CDH4: variants seen among roughly 807,000 people sequenced by gnomAD.
The protein encoded by CDH4 is cadherin-4.
CDH4 carries 33 observed loss-of-function variants against 86.0 expected under a neutral mutation model. That is an observed-to-expected ratio of 0.38 (90% CI 0.29 to 0.51). The LOEUF is 0.51. Among genes scored for constraint, CDH4 ranks in the 20% least tolerant of loss-of-function variants. The probability of loss-of-function intolerance (pLI) is 0.86; values close to 1 mark genes in which losing one functional copy is unlikely to be tolerated. For synonymous variants in CDH4, 555 were observed against 549.4 expected (o/e 1.01, Z -0.14); for missense variants, 1,114 against 1,307.4 (o/e 0.85, Z 2.28).
intron 2 of CDH4, among the ~76,000 whole-genome samples, chr20:61,655,254 G>A (rs1451243623): frequency 5.3e-5 from 8 of 152,212 alleles, no homozygotes; most frequent in Non-Finnish European, 1.2e-4. Context: ...TCAGGGTTGG[G>A]ATTGTGAGTG....
At chr20:61,565,302 TG>T in intron 2 of CDH4, among the ~76,000 whole-genome samples, 1 of 67,200 alleles carries the variant, frequency 1.5e-5, no homozygotes, top group African/African-American at 6.8e-5. Flanking sequence ...GTGGTGGCGG[TG>T]CTCTTGGTGG....
At chr20:61,869,835 G>T (rs1361079001) in intron 6 of CDH4, among the ~76,000 whole-genome samples, 6 of 152,210 alleles carry the variant, frequency 3.9e-5, no homozygotes, top group African/African-American at 1.2e-4. Flanking sequence ...GGGGACCGAG[G>T]AGTCCTTCAG....
chr20:61,368,808 C>T lies in CDH4; in HGVS notation c.169+113871C>T, dbSNP rs185457925. 4.4e-3 allele frequency among the ~76,000 whole-genome samples: 675 copies of T among 152,288 alleles called. 5 individuals are homozygous for T. Among genetic ancestry groups the T allele is most frequent in the African/African-American group, 0.015 (605 of 41,576 alleles). ...CTGGGATTACAGGCGTGAGCCACTGCAGCCGGCTAGGATGGTATTTTGTTG... is the reference window on the plus strand; with the variant it reads ...CTGGGATTACAGGCGTGAGCCACTGTAGCCGGCTAGGATGGTATTTTGTTG... On this transcript the variant is annotated intron_variant, in intron 2 of 15. Coordinates refer to ENST00000614565, the MANE Select transcript of CDH4 (RefSeq NM_001794.5).
chr20:61,616,868 G>T (rs1005169168), intron 2 of CDH4, among the ~76,000 whole-genome samples: 1 of 152,148 alleles, frequency 6.6e-6, no homozygotes, highest in Non-Finnish European at 1.5e-5. Flanking sequence ...ACCTGGTCAG[G>T]GTCCCCGCTG....
At chr20:61,739,662 G>A (rs2088309446) in intron 2 of CDH4, among the ~76,000 whole-genome samples, 1 of 152,232 alleles carries the variant, frequency 6.6e-6, no homozygotes, top group Non-Finnish European at 1.5e-5. Flanking sequence ...CCAGATTCCT[G>A]CCTAGAGGAG....
At chr20:61,658,333 G>A (rs541445421) in intron 2 of CDH4, among the ~76,000 whole-genome samples, 2 of 151,894 alleles carry the variant, frequency 1.3e-5, no homozygotes, top group Non-Finnish European at 2.9e-5. Flanking sequence ...CTGCAACCCC[G>A]AGTCATTGTC....
intron 2 of CDH4, among the ~76,000 whole-genome samples, chr20:61,591,393 C>T (rs538324818): frequency 6.6e-6 from 1 of 152,208 alleles, no homozygotes; most frequent in South Asian, 2.1e-4. Flanking sequence ...TGGCATTGTG[C>T]TACATTTTTG....
intron 2 of CDH4, among the ~76,000 whole-genome samples, chr20:61,331,698 G>GGCCC (rs1568801283): frequency 7.0e-6 from 1 of 143,010 alleles, no homozygotes; most frequent in Non-Finnish European, 1.5e-5. Flanking sequence ...ACCTGCCCCA[G>GGCCC]AGCCACCTCC....
intron 10 of CDH4, 128 bp downstream of exon 10, chr20:61,923,832 C>T (rs1212657095): frequency 2.4e-5 from 28 of 1,161,588 alleles, no homozygotes; most frequent in Non-Finnish European, 3.1e-5. Flanking sequence ...GCATCTCCAA[C>T]CTAAGGCGTC....
Position 61,517,000 on chromosome 20 carries a change from G to A in CDH4, c.170-226563G>A, listed in dbSNP as rs1398434444. Among the ~76,000 whole-genome samples the A allele has an allele frequency of 2.0e-5, 3 of 152,170 alleles. No homozygotes were observed. The highest frequency in any genetic ancestry group is 6.5e-5 in the Admixed American group (1 of 15,288). Reference sequence around the variant, plus strand: ...GCCCTGAAAAATGCAGGCATGATTAGTACCCAACCAGACAGCTCTGCACAG... The same window carrying A: ...GCCCTGAAAAATGCAGGCATGATTAATACCCAACCAGACAGCTCTGCACAG... On this transcript the variant is annotated intron_variant, in intron 2 of 15. Transcript: ENST00000614565. This position sits in a 1 kb window ranked among gnomAD's most constrained non-coding sequence, Gnocchi z 4.0.
chr20:61,425,285 G>C (rs921130455), intron 2 of CDH4, among the ~76,000 whole-genome samples: 2 of 152,112 alleles, frequency 1.3e-5, no homozygotes, highest in African/African-American at 4.8e-5. Flanking sequence ...GGAGGGAGGC[G>C]GCCAGGACCG....
chr20:61,394,336 C>T (rs1002127083), intron 2 of CDH4, among the ~76,000 whole-genome samples: 1 of 152,164 alleles, frequency 6.6e-6, no homozygotes, highest in African/African-American at 2.4e-5. Context: ...GCAGAACCCA[C>T]CTCTCAGCCC....
intron 7 of CDH4, among the ~76,000 whole-genome samples, chr20:61,877,541 G>A (rs1984086433): frequency 6.6e-6 from 1 of 152,184 alleles, no homozygotes. Context: ...GTGTGCCTGG[G>A]GATGTGAACA....
In CDH4 at chr20:61,846,231, T is replaced by C. The variant is rs2146104071; in HGVS notation, c.732+1408T>C. On this transcript the variant is annotated intron_variant, in intron 5 of 15. Transcript: ENST00000614565. ...CTGCCTCCTGGGAAGGCTCACGCCT[T>C]GGCTGGGTGTTGGGGAGACCTGATT... 1.3e-5 allele frequency among the ~76,000 whole-genome samples: 2 copies of C among 152,332 alleles called. 1 individual carries two copies. Among genetic ancestry groups the C allele is most frequent in the Middle Eastern group, 6.8e-3 (2 of 294 alleles).
At chr20:61,569,930 G>A (rs911824153) in intron 2 of CDH4, among the ~76,000 whole-genome samples, 4 of 152,116 alleles carry the variant, frequency 2.6e-5, no homozygotes, top group Non-Finnish European at 2.9e-5. Flanking sequence ...ACAGAATTGA[G>A]GGCCTCATTC....
At chr20:61,573,175 T>C (rs899584860) in intron 2 of CDH4, among the ~76,000 whole-genome samples, 1 of 152,096 alleles carries the variant, frequency 6.6e-6, no homozygotes, top group Non-Finnish European at 1.5e-5. Flanking sequence ...AGTGAGCTGA[T>C]GGGGTGGGAG....
intron 2 of CDH4, among the ~76,000 whole-genome samples, chr20:61,586,800 GAC>G (rs574484435): frequency 6.6e-6 from 1 of 152,150 alleles, no homozygotes; most frequent in African/African-American, 2.4e-5. Context: ...AGAGACAAGA[GAC>G]ACACACAGAG....
At chr20:61,789,438 C>T (rs576714353) in intron 4 of CDH4, among the ~76,000 whole-genome samples, 3 of 152,234 alleles carry the variant, frequency 2.0e-5, no homozygotes, top group South Asian at 4.1e-4. Flanking sequence ...GGGAGGGGGG[C>T]GGTGCCTGGG....
At chr20:61,731,235 G>A (rs372926150) in intron 2 of CDH4, among the ~76,000 whole-genome samples, 6 of 152,032 alleles carry the variant, frequency 3.9e-5, no homozygotes, top group East Asian at 3.9e-4. Context: ...GTCCCATTCT[G>A]AGGGTCTCCT....
Sources: allele counts gnomAD v4.1 joint callset (sites outside exome capture counted in the v4.1 genomes callset), GRCh38; gene constraint gnomAD v4.1.1; non-coding constraint Gnocchi (gnomAD v3.1); transcripts MANE v1.5; gene names NCBI Gene and HGNC (gene_info 2026-07-23, HGNC 2026-07-21).